KCNMB2: variants seen among roughly 807,000 people sequenced by gnomAD.
KCNMB2 encodes the protein calcium-activated potassium channel subunit beta-2.
A neutral mutation model predicts 24.5 loss-of-function variants in KCNMB2; 9 were observed. The ratio of observed to expected loss-of-function variants is 0.37; its 90% CI spans 0.22 to 0.64. The LOEUF (loss-of-function observed/expected upper bound fraction) is 0.64. KCNMB2 is among the 30% of genes least tolerant of loss of function. KCNMB2 has a pLI of 0.63. For synonymous variants in KCNMB2, 109 were observed against 104.4 expected (o/e 1.04, Z -0.27); for missense variants, 226 against 284.3 (o/e 0.79, Z 1.47).
chr3:178,802,162 T>G (rs1284903065), intron 1 of KCNMB2, among the ~76,000 whole-genome samples: 2 of 152,166 alleles, frequency 1.3e-5, no homozygotes, highest in African/African-American at 4.8e-5. Flanking sequence ...CTAAGGAGAA[T>G]ATATAATCTG....
At chr3:178,655,089 GCTCTCCCTCTCTCTCTCT>G (rs1204979279) in intron 1 of KCNMB2, among the ~76,000 whole-genome samples, 2 of 77,896 alleles carry the variant, frequency 2.6e-5, no homozygotes, top group East Asian at 8.0e-4. Context: ...GTAAATATTA[GCTCTCCCTCTCTCTCTCT>G]CTCTCTCTCT....
chr3:178,780,600 G>T (rs1320332925), intron 1 of KCNMB2, among the ~76,000 whole-genome samples: 1 of 152,172 alleles, frequency 6.6e-6, no homozygotes, highest in African/African-American at 2.4e-5. Context: ...CTGCTGTAAG[G>T]CAAGCCAACC....
At chr3:178,588,062 C>T (rs1478858226) in intron 1 of KCNMB2, among the ~76,000 whole-genome samples, 1 of 152,022 alleles carries the variant, frequency 6.6e-6, no homozygotes, top group African/African-American at 2.4e-5. Flanking sequence ...CTACAAAGGA[C>T]ATGAACTCAT....
chr3:178,800,588 A>G (rs1443795320), intron 1 of KCNMB2, among the ~76,000 whole-genome samples: 1 of 152,190 alleles, frequency 6.6e-6, no homozygotes, highest in South Asian at 2.1e-4. Flanking sequence ...GGGAATGTAA[A>G]TTAGTACAAC....
At chr3:178,604,402 TAAA>T (rs5854815) in intron 1 of KCNMB2, among the ~76,000 whole-genome samples, 11 of 146,076 alleles carry the variant, frequency 7.5e-5, no homozygotes, top group Admixed American at 2.0e-4. Context: ...TGAAGTGGTT[TAAA>T]AAAAAAAAAA....
At chr3:178,788,049 A>G (rs1713178388) in intron 1 of KCNMB2, among the ~76,000 whole-genome samples, 2 of 152,158 alleles carry the variant, frequency 1.3e-5, no homozygotes, top group Non-Finnish European at 2.9e-5. Context: ...TTGTCATCTC[A>G]AGTTCTTCTC....
At chr3:178,709,338 T>C (rs1722379391) in intron 1 of KCNMB2, among the ~76,000 whole-genome samples, 1 of 152,184 alleles carries the variant, frequency 6.6e-6, no homozygotes, top group Non-Finnish European at 1.5e-5. Context: ...TTTCCAAGCA[T>C]CGTGGCTAAA....
chr3:178,695,489 A>C (rs1365989003), intron 1 of KCNMB2, among the ~76,000 whole-genome samples: 1 of 152,100 alleles, frequency 6.6e-6, no homozygotes, highest in African/African-American at 2.4e-5. Flanking sequence ...CCAAACTTTT[A>C]TGCTCTATCA....
At chr3:178,729,623 A>G (rs576104628) in intron 1 of KCNMB2, among the ~76,000 whole-genome samples, 23 of 152,224 alleles carry the variant, frequency 1.5e-4, no homozygotes, top group Non-Finnish European at 3.4e-4. Flanking sequence ...AAGTTCTTTT[A>G]CTAATAAATA....
intron 1 of KCNMB2, among the ~76,000 whole-genome samples, chr3:178,664,439 C>A (rs143388083): frequency 1.0e-3 from 155 of 152,122 alleles, no homozygotes; most frequent in African/African-American, 3.6e-3. Flanking sequence ...AGTCAAACAA[C>A]CTGGGCATGC....
chr3:178,563,031 G>A (rs1219756771), intron 1 of KCNMB2, among the ~76,000 whole-genome samples: 1 of 152,170 alleles, frequency 6.6e-6, no homozygotes, highest in Non-Finnish European at 1.5e-5. Context: ...AAAATAAAAG[G>A]ACATTCAAAG....
intron 1 of KCNMB2, among the ~76,000 whole-genome samples, chr3:178,758,361 TATATATA>T (rs1724289615): frequency 3.1e-5 from 1 of 32,592 alleles, no homozygotes; most frequent in Non-Finnish European, 4.6e-5. Context: ...TATATATATA[TATATATA>T]TATCTCCAAG....
intron 1 of KCNMB2, among the ~76,000 whole-genome samples, chr3:178,570,515 C>CTTTTTTTTT (rs200106452): frequency 3.7e-4 from 42 of 114,558 alleles, no homozygotes; most frequent in African/African-American, 1.0e-3. Context: ...GTAATGATAC[C>CTTTTTTTTT]TTTTTTTTTT....
intron 1 of KCNMB2, among the ~76,000 whole-genome samples, chr3:178,770,787 C>T (rs970059157): frequency 6.6e-5 from 10 of 152,116 alleles, no homozygotes; most frequent in Non-Finnish European, 7.3e-5. Flanking sequence ...TTAACCACAC[C>T]CACCACTCCA....
intron 1 of KCNMB2, among the ~76,000 whole-genome samples, chr3:178,753,369 C>T (rs983513812): frequency 2.6e-5 from 4 of 152,212 alleles, no homozygotes; most frequent in Non-Finnish European, 4.4e-5. Context: ...CAAACACTGA[C>T]TGTGTGACCT....
intron 1 of KCNMB2, among the ~76,000 whole-genome samples, chr3:178,758,107 C>T (rs1193564340): frequency 1.1e-5 from 1 of 93,890 alleles, no homozygotes; most frequent in African/African-American, 4.1e-5. Context: ...TATATATACA[C>T]ACAAGAGGAT....
At chr3:178,771,473 CTTTTTTTTTTTT>C (rs66694279) in intron 1 of KCNMB2, among the ~76,000 whole-genome samples, 1 of 87,516 alleles carries the variant, frequency 1.1e-5, no homozygotes, top group African/African-American at 4.9e-5. Flanking sequence ...TTCTTTCTTT[CTTTTTTTTTTTT>C]TTTTTTTTTT....
At chr3:178,690,581 G>A (rs1343094082) in intron 1 of KCNMB2, among the ~76,000 whole-genome samples, 1 of 152,162 alleles carries the variant, frequency 6.6e-6, no homozygotes, top group Non-Finnish European at 1.5e-5. Flanking sequence ...GAGACAATGG[G>A]GATGTAGATT....
At chr3:178,748,247 T>C (rs1047090335) in intron 1 of KCNMB2, 2 of 152,254 alleles carry the variant, frequency 1.3e-5, no homozygotes, top group African/African-American at 4.8e-5. Flanking sequence ...TTCCATATCC[T>C]GGAGTTTAGT....
Sources: gnomAD v4.1 joint callset for allele counts (sites outside exome capture counted in the v4.1 genomes callset) on GRCh38, gnomAD v4.1.1 for gene constraint, MANE v1.5 for transcripts, NCBI Gene and HGNC (gene_info 2026-07-23, HGNC 2026-07-21) for gene names.